Variants in ZP3 observed in about 807,000 individuals in gnomAD.
ZP3 encodes the protein zona pellucida glycoprotein 3.
A neutral mutation model predicts 35.6 loss-of-function variants in ZP3; 21 were observed. The observed-to-expected ratio is 0.59, with a 90% CI of 0.42 to 0.85. The LOEUF (loss-of-function observed/expected upper bound fraction) is 0.85. ZP3 is among the 40% of genes least tolerant of loss of function. ZP3 has a pLI of 0.00. For missense variants in ZP3, 437 were observed against 536.5 expected, an observed-to-expected ratio of 0.81 and a Z score of 1.83; for synonymous variants, 207 against 214.5, an observed-to-expected ratio of 0.96 and a Z score of 0.31.
At chr7:76,411,013 A>G (rs113391860) in intron 1 of ZP3, among the ~76,000 whole-genome samples, 1,328 of 131,150 alleles carry the variant, frequency 0.01, 47 homozygotes, top group African/African-American at 0.038. Context: ...AAAAAAAAAA[A>G]AAAAGAAAAG....
chr7:76,404,247 A>G (rs1804926138), intron 1 of ZP3: 4 of 1,477,780 alleles, frequency 2.7e-6, no homozygotes, highest in Non-Finnish European at 3.6e-6. Flanking sequence ...ATAAAGTTAC[A>G]GCTGGGACAA....
At chr7:76,401,138 T>C in intron 1 of ZP3, 2 of 1,417,478 alleles carry the variant, frequency 1.4e-6, no homozygotes, top group Non-Finnish European at 1.9e-6. Context: ...GTCCTCAACA[T>C]TACCCCCATC....
upstream of ZP3, among the ~76,000 whole-genome samples, chr7:76,424,658 AAAAC>A (rs763559980): frequency 6.6e-6 from 1 of 152,226 alleles, no homozygotes; most frequent in South Asian, 2.1e-4. Flanking sequence ...AAACACAACA[AAAAC>A]AAACAAACCA....
rs370354829 is a variant in ZP3 at position 76,425,481 on chromosome 7, G to A, written c.312+205G>A. The stretch of plus-strand genomic sequence containing the variant: ...TGCCTCTGATGCCCGACATTGGGTC[G>A]ATGGGGTGGAGCCAGAGGTGGCCGT... On this transcript the variant is annotated intron_variant, in intron 1 of 7. Transcript: ENST00000394857. 3.3e-5 allele frequency among the ~76,000 whole-genome samples: 5 copies of A among 152,062 alleles called. No individual in the cohort carries two copies. The East Asian group carries it at 5.8e-4, about 18-fold the overall frequency.
At position 76,432,798 on chromosome 7, in the gene ZP3, G is replaced by T. The variant is rs115299574; in HGVS notation, c.432-129G>T. ...CTCAAGGTGTCTGTTCAGCCATCTC[G>T]CACCAGCTACCTGGCTGGGCCATAG... On this transcript the variant is annotated intron_variant, in intron 2 of 7. Coordinates refer to ENST00000394857, the MANE Select transcript of ZP3 (RefSeq NM_001110354.2). 869 of 709,520 alleles carry T rather than the reference G, an allele frequency of 1.2e-3. 6 individuals are homozygous for T. In the African/African-American group the frequency reaches 0.013, roughly 11 times the overall value. 44.0% of individuals were successfully genotyped at this position (709,520 alleles called of 1,614,324 possible).
At chr7:76,404,611 G>A (rs1584032032) in intron 1 of ZP3, 1 of 870,056 alleles carries the variant, frequency 1.1e-6, no homozygotes, top group Non-Finnish European at 1.8e-6. Flanking sequence ...GGGCAACATA[G>A]TGAGACCCCC....
At chr7:76,437,329 C>A (rs1289869168) in intron 5 of ZP3, among the ~76,000 whole-genome samples, 4 of 152,194 alleles carry the variant, frequency 2.6e-5, no homozygotes, top group African/African-American at 4.8e-5. Context: ...CACTCAATCA[C>A]CACGCCTGGC....
chr7:76,416,863 TACACACATATATAC>T (rs1434962365), intron 1 of ZP3, among the ~76,000 whole-genome samples: 2 of 148,152 alleles, frequency 1.3e-5, no homozygotes, highest in African/African-American at 5.1e-5. Flanking sequence ...TACATATATA[TACACACATATATAC>T]ACACATACAT....
chr7:76,440,315 C>T lies in ZP3; in HGVS notation c.897C>T (p.Ala299=), dbSNP rs1806157125. 1 of 1,609,400 alleles carries T rather than the reference C, an allele frequency of 6.2e-7. No individual in the cohort carries two copies. The highest frequency in any genetic ancestry group is 1.3e-5 in the African/African-American group (1 of 74,562). Residue 299 remains alanine (A), a synonymous_variant, in exon 6 of 8, where the codon GCC becomes GCT. Coordinates refer to ENST00000394857, the MANE Select transcript of ZP3 (RefSeq NM_001110354.2). The part of the protein sequence containing the change: ...AEQDPDELNK[A]CSFSKPSNSW... ...AGGACCCAGATGAACTCAACAAGGC[C>T]TGTTCCTTCAGCAAGCCTTCCAACA...
At chr7:76,439,131 CAAAAAAA>C (rs775953355) in intron 5 of ZP3, among the ~76,000 whole-genome samples, 2 of 75,438 alleles carry the variant, frequency 2.7e-5, no homozygotes, top group Admixed American at 1.6e-4. Flanking sequence ...GACTCCACCT[CAAAAAAA>C]AAAAAAAAAA....
In ZP3 at chr7:76,440,722, G is replaced by A. The variant is rs1366485479; in HGVS notation, c.1060+111G>A. The A allele has an allele frequency of 4.0e-6, 6 of 1,499,964 alleles. No individual in the cohort carries two copies. The Admixed American group carries it at 9.2e-5, about 23-fold the overall frequency. 92.9% of individuals were successfully genotyped at this position (1,499,964 alleles called of 1,614,324 possible). A position where few individuals can be genotyped will look rare whatever the true frequency, so the allele number is the denominator to read the frequency against. The stretch of plus-strand genomic sequence containing the variant: ...CCCTTGTCCTCCATTAAAACTGTTT[G>A]TACCTAGGCCTGCAGCTACCTTTCC... On this transcript the variant is annotated intron_variant, in intron 7 of 7. Transcript: ENST00000394857.
In ZP3 at chr7:76,429,571, G is replaced by A. The variant is rs772255462; in HGVS notation, c.369G>A (p.Val123=). The A allele has an allele frequency of 1.2e-6, 2 of 1,614,080 alleles. No homozygotes were observed. The highest frequency in any genetic ancestry group is 1.7e-6 in the Non-Finnish European group (2 of 1,179,984). Residue 123 remains valine, a synonymous_variant, in exon 2 of 8, where the codon GTG becomes GTA. Transcript: ENST00000394857. ...STFLLHDPRP[V]GNLSIVRTNR... ...TCCTGCTCCATGACCCCCGCCCCGT[G>A]GGAAACCTGTCCATCGTGAGGACTA...
At chr7:76,404,178 C>A (rs1027349770) in intron 1 of ZP3, 5 of 1,334,136 alleles carry the variant, frequency 3.7e-6, no homozygotes, top group East Asian at 5.2e-5. Context: ...CAACTCTGGG[C>A]AAAGGTCAGC....
chr7:76,431,830 T>C (rs1355742265), intron 2 of ZP3, among the ~76,000 whole-genome samples: 6 of 148,160 alleles, frequency 4.0e-5, no homozygotes, highest in African/African-American at 1.3e-4. Context: ...ACCTGGGTGG[T>C]GGAGCTTGCA....
chr7:76,437,662 T>C (rs1352903339), intron 5 of ZP3, among the ~76,000 whole-genome samples: 1 of 23,204 alleles, frequency 4.3e-5, no homozygotes, highest in Non-Finnish European at 9.2e-5. Context: ...AATTTCTGTA[T>C]TTTTTTTTTT....
intron 3 of ZP3, 57 bp downstream of exon 3, chr7:76,433,087 C>A: frequency 1.5e-6 from 2 of 1,310,640 alleles, no homozygotes; most frequent in South Asian, 1.4e-5. Flanking sequence ...ATCTCAGACC[C>A]CTGCCCTTGG....
intron 2 of ZP3, among the ~76,000 whole-genome samples, chr7:76,432,686 C>T (rs777286210): frequency 6.6e-5 from 10 of 152,196 alleles, no homozygotes; most frequent in East Asian, 1.9e-4. Context: ...CTGTCTTCAG[C>T]GGCCCAGATA....
At chr7:76,435,099 C>A (rs1220250281) in intron 5 of ZP3, among the ~76,000 whole-genome samples, 4 of 152,174 alleles carry the variant, frequency 2.6e-5, no homozygotes, top group African/African-American at 4.8e-5. Context: ...ATAATCCCAG[C>A]ACTTTGGGAG....
intron 1 of ZP3, among the ~76,000 whole-genome samples, chr7:76,405,313 A>T (rs111340599): frequency 0.044 from 1,495 of 34,270 alleles, 92 homozygotes; most frequent in African/African-American, 0.11. Flanking sequence ...ATATATATAT[A>T]TATGTATTTT....
Sources: gnomAD v4.1 joint callset for allele counts (sites outside exome capture counted in the v4.1 genomes callset) on GRCh38, gnomAD v4.1.1 for gene constraint, MANE v1.5 for transcripts, NCBI Gene and HGNC (gene_info 2026-07-23, HGNC 2026-07-21) for gene names.